Variants in PRMT8 observed in about 807,000 individuals in gnomAD.
PRMT8 encodes protein arginine methyltransferase 8, also known as protein arginine N-methyltransferase 8.
Under a neutral mutation model 47.1 loss-of-function variants are expected in PRMT8, and 7 were observed. The ratio of observed to expected loss-of-function variants is 0.15; its 90% CI spans 0.08 to 0.28. PRMT8 has a LOEUF of 0.28. Among genes scored for constraint, PRMT8 ranks in the 10% least tolerant of loss-of-function variants. The pLI, the probability that PRMT8 is intolerant of heterozygous loss-of-function variation, is 1.00. For missense variants in PRMT8, 237 were observed against 505.4 expected, an observed-to-expected ratio of 0.47 and a Z score of 5.09; for synonymous variants, 188 against 186.5, an observed-to-expected ratio of 1.01 and a Z score of -0.07.
At chr12:3,553,888 A>G (rs1168132833) in intron 4 of PRMT8, among the ~76,000 whole-genome samples, 174 bp downstream of exon 4, 1 of 152,086 alleles carries the variant, frequency 6.6e-6, no homozygotes, top group Non-Finnish European at 1.5e-5. Context: ...GTTCCCCCCG[A>G]CACCAGGCCA....
At chr12:3,575,167 C>T (rs1866915781) in intron 6 of PRMT8, among the ~76,000 whole-genome samples, 4 of 152,332 alleles carry the variant, frequency 2.6e-5, no homozygotes, top group African/African-American at 9.6e-5. Flanking sequence ...TCTCTGCCTT[C>T]TTTTCGCAAG....
upstream of PRMT8, among the ~76,000 whole-genome samples, chr12:3,491,034 C>T (rs898260503): frequency 2.6e-5 from 4 of 152,106 alleles, no homozygotes; most frequent in African/African-American, 9.7e-5. Flanking sequence ...TTGTGTGCAG[C>T]GCCAGGGAGT....
chr12:3,441,716 ACTC>A (rs1431938051), intron 1 of PRMT8, among the ~76,000 whole-genome samples: 1 of 152,156 alleles, frequency 6.6e-6, no homozygotes, highest in Non-Finnish European at 1.5e-5. Context: ...AGAGTTCAGA[ACTC>A]CTGTGGATGT....
Position 3,569,556 on chromosome 12 carries a change from A to G in PRMT8, c.704A>G (p.Lys235Arg), listed in dbSNP as rs756248966. The G allele has an allele frequency of 1.2e-6, 2 of 1,614,074 alleles. No individual in the cohort carries two copies. Among genetic ancestry groups the G allele is most frequent in the Admixed American group, 1.7e-5 (1 of 60,024 alleles). ...AIEDRQYKDF[K>R]IHWWENVYGF... The stretch of plus-strand genomic sequence containing the variant: ...GAAGACAGACAGTACAAGGACTTCA[A>G]AATCCACTGTAAGTCCCCTCTTGCT... The change falls in exon 6 of 10, where the codon AAA becomes AGA. Residue 235 changes from lysine (K) to arginine (R), a missense_variant. Physicochemically the swap from Lys to Arg is conservative, Grantham distance 26 (BLOSUM62 2). Transcript: ENST00000382622. The surrounding 1 kb of genome is among the most constrained non-coding windows in gnomAD (Gnocchi z 8.2).
At chr12:3,487,719 T>A (rs1163933296), upstream of PRMT8, among the ~76,000 whole-genome samples, 3 of 152,210 alleles carry the variant, frequency 2.0e-5, no homozygotes, top group African/African-American at 7.2e-5. Flanking sequence ...ACAGCTTTCC[T>A]CCAGTCCAGG....
chr12:3,431,851 C>T lies in PRMT8; in HGVS notation c.48+50409C>T, dbSNP rs1003773651. Among the ~76,000 whole-genome samples the T allele has an allele frequency of 6.6e-5, 10 of 152,138 alleles. No homozygotes were observed. In the South Asian group the frequency reaches 1.0e-3, roughly 16 times the overall value. ...GAGAAGGTGAGATATGGTGTGGCAT[C>T]GCAGGGAGCTGGCTGAGGCTTGAGC... On this transcript the variant is annotated intron_variant, in intron 1 of 9. Coordinates refer to the PRMT8 transcript ENST00000452611.
intron 1 of PRMT8, among the ~76,000 whole-genome samples, chr12:3,537,314 T>C (rs1866136453): frequency 6.6e-6 from 1 of 152,266 alleles, no homozygotes. Context: ...GTATTTCACA[T>C]GTACTTGCCT....
chr12:3,537,924 T>C (rs1374256468), intron 1 of PRMT8, among the ~76,000 whole-genome samples: 6 of 152,170 alleles, frequency 3.9e-5, no homozygotes, highest in African/African-American at 1.2e-4. Context: ...ACATCTATCT[T>C]CCTAAAGAGG....
intron 6 of PRMT8, among the ~76,000 whole-genome samples, chr12:3,573,262 TTAA>T (rs975368882): frequency 6.6e-6 from 1 of 152,222 alleles, no homozygotes; most frequent in African/African-American, 2.4e-5. Flanking sequence ...ATTCATTCTG[TTAA>T]TAAGTTCATT....
At chr12:3,446,621 T>C (rs949534097) in intron 1 of PRMT8, among the ~76,000 whole-genome samples, 6 of 152,198 alleles carry the variant, frequency 3.9e-5, no homozygotes, top group Admixed American at 6.5e-5. Flanking sequence ...CTGTGTGTCA[T>C]ATAGGTTTCT....
At chr12:3,440,223 G>A (rs1565408149) in intron 1 of PRMT8, among the ~76,000 whole-genome samples, 1 of 152,196 alleles carries the variant, frequency 6.6e-6, no homozygotes, top group Non-Finnish European at 1.5e-5. Context: ...CACTTTGGGA[G>A]GTTGAGGCGG....
chr12:3,543,049 A>T lies in PRMT8; in HGVS notation c.261+2258A>T, dbSNP rs374971760. On this transcript the variant is annotated intron_variant, in intron 2 of 9. Coordinates refer to ENST00000382622, the MANE Select transcript of PRMT8 (RefSeq NM_019854.5). ...CAAGCTTGTGCATACGTATATATAA[A>T]CATAGTGCGGGCTGAGCAGGGGACT... is the stretch of plus-strand genomic sequence containing the variant. Among the ~76,000 whole-genome samples the T allele has an allele frequency of 3.1e-4, 47 of 152,340 alleles. No individual in the cohort carries two copies. In the South Asian group the frequency reaches 4.8e-3, roughly 15 times the overall value.
chr12:3,382,007 T>C (rs1864096845), intron 1 of PRMT8, among the ~76,000 whole-genome samples: 1 of 152,220 alleles, frequency 6.6e-6, no homozygotes, highest in South Asian at 2.1e-4. Context: ...ACTTTTTTGG[T>C]TTCACTCAGC....
At chr12:3,563,778 AAAT>A (rs1348649704) in intron 4 of PRMT8, among the ~76,000 whole-genome samples, 19 of 152,138 alleles carry the variant, frequency 1.2e-4, no homozygotes, top group Non-Finnish European at 2.2e-4. Context: ...CCTTAGGCAA[AAAT>A]AATAATAAAA....
At chr12:3,467,700 T>G (rs745459218) in intron 1 of PRMT8, among the ~76,000 whole-genome samples, 1 of 152,156 alleles carries the variant, frequency 6.6e-6, no homozygotes, top group Non-Finnish European at 1.5e-5. Context: ...AACCAGCAGA[T>G]AGACGTAGGA....
At chr12:3,467,480 C>T (rs1218792462) in intron 1 of PRMT8, among the ~76,000 whole-genome samples, 2 of 152,020 alleles carry the variant, frequency 1.3e-5, no homozygotes, top group South Asian at 2.1e-4. Flanking sequence ...TAAAGTGAGC[C>T]GTTCTCAGAA....
Position 3,566,597 on chromosome 12 carries a change from T to G in PRMT8, c.482-2109T>G, listed in dbSNP as rs1866724973. On this transcript the variant is annotated intron_variant, in intron 4 of 9. Coordinates refer to ENST00000382622, the MANE Select transcript of PRMT8 (RefSeq NM_019854.5). This position sits in a 1 kb window ranked among gnomAD's most constrained non-coding sequence, Gnocchi z 4.7. ...AGAGTAAACTGTTATTAGAAGCTGC[T>G]AATGGACACTCCATCACCTGCATTA... Among the ~76,000 whole-genome samples the G allele has an allele frequency of 6.6e-6, 1 of 152,232 alleles. No individual in the cohort carries two copies. The highest frequency in any genetic ancestry group is 6.5e-5 in the Admixed American group (1 of 15,286).
rs767677898 is a variant in PRMT8, at chr12:3,566,962, A to G, written c.482-1744A>G. ...TCAGATCTTTACAGCAACAAATACAAAAAGGGACTCCAAAATTATGTGTAT... is the reference window on the plus strand; with the variant it reads ...TCAGATCTTTACAGCAACAAATACAGAAAGGGACTCCAAAATTATGTGTAT... On this transcript the variant is annotated intron_variant, in intron 4 of 9. Coordinates refer to ENST00000382622, the MANE Select transcript of PRMT8 (RefSeq NM_019854.5). The surrounding 1 kb of genome is among the most constrained non-coding windows in gnomAD (Gnocchi z 4.7). Among the ~76,000 whole-genome samples, 5 of 152,226 alleles carry G rather than the reference A, an allele frequency of 3.3e-5. No homozygotes were observed. Among genetic ancestry groups the G allele is most frequent in the Non-Finnish European group, 5.9e-5 (4 of 68,040 alleles).
intron 1 of PRMT8, among the ~76,000 whole-genome samples, chr12:3,446,340 C>T (rs1400104223): frequency 1.3e-5 from 2 of 152,028 alleles, no homozygotes; most frequent in Admixed American, 6.6e-5. Context: ...TCAACCTGCT[C>T]CTGTCTGTAG....
Sources: gnomAD v4.1 joint callset for allele counts (sites outside exome capture counted in the v4.1 genomes callset) on GRCh38, gnomAD v4.1.1 for gene constraint, Gnocchi (gnomAD v3.1) non-coding constraint, MANE v1.5 for transcripts, NCBI Gene and HGNC (gene_info 2026-07-23, HGNC 2026-07-21) for gene names.